Variants in UTRN observed in about 807,000 individuals in gnomAD.
UTRN encodes the protein utrophin, also known as dystrophin-related protein 1.
In UTRN, 283 loss-of-function variants were observed where a neutral mutation model predicts 463.9. That is an observed-to-expected ratio of 0.61 (90% CI 0.55 to 0.67). UTRN has a LOEUF of 0.67. UTRN is among the 30% of genes least tolerant of loss of function. UTRN has a pLI of 0.00. For synonymous variants in UTRN, 1,442 were observed against 1,431.5 expected, an observed-to-expected ratio of 1.01 and a Z score of -0.17; for missense variants, 3,922 against 4,084.3, an observed-to-expected ratio of 0.96 and a Z score of 1.08.
chr6:144,686,951 T>C (rs1336914176), intron 52 of UTRN, among the ~76,000 whole-genome samples: 7 of 152,146 alleles, frequency 4.6e-5, no homozygotes, highest in Non-Finnish European at 8.8e-5. Context: ...CTTTGTTTTC[T>C]TTATTGTGTT....
intron 2 of UTRN, among the ~76,000 whole-genome samples, chr6:144,365,692 T>C (rs568070171): frequency 4.6e-5 from 7 of 152,220 alleles, no homozygotes; most frequent in Non-Finnish European, 7.3e-5. Context: ...GGTATTTTTT[T>C]GGTGATCTGT....
chr6:144,398,419 C>T (rs540586939), intron 2 of UTRN: 12 of 380,102 alleles, frequency 3.2e-5, no homozygotes, highest in South Asian at 2.9e-4. Flanking sequence ...CATTAATGCA[C>T]ACTCAAGGGC....
At chr6:144,612,191 A>AC (rs1409206353) in intron 51 of UTRN, among the ~76,000 whole-genome samples, 1 of 152,104 alleles carries the variant, frequency 6.6e-6, no homozygotes, top group Non-Finnish European at 1.5e-5. Context: ...ATGAAAGTAG[A>AC]CCCCTATCTT....
chr6:144,386,753 T>C (rs1242182701), intron 2 of UTRN, among the ~76,000 whole-genome samples: 1 of 152,142 alleles, frequency 6.6e-6, no homozygotes, highest in Non-Finnish European at 1.5e-5. Context: ...AAGGATTGCA[T>C]TTTAGCGGAT....
chr6:144,752,852 C>T (rs915994517), intron 56 of UTRN, among the ~76,000 whole-genome samples: 3 of 151,898 alleles, frequency 2.0e-5, no homozygotes, highest in Admixed American at 6.6e-5. Context: ...GATTAGAAGT[C>T]GGGGAATATG....
At chr6:144,423,018 G>A (rs1784975249) in intron 4 of UTRN, among the ~76,000 whole-genome samples, 2 of 152,204 alleles carry the variant, frequency 1.3e-5, no homozygotes, top group South Asian at 2.1e-4. Flanking sequence ...TGCCTTCCGA[G>A]GGCTCTTGCA....
At chr6:144,392,898 CAA>C (rs780723656) in intron 2 of UTRN, among the ~76,000 whole-genome samples, 23 of 152,170 alleles carry the variant, frequency 1.5e-4, no homozygotes, top group Non-Finnish European at 3.1e-4. Flanking sequence ...AGGCATCAAA[CAA>C]GAGGACAATT....
At chr6:144,819,106 A>G (rs1356259469) in intron 65 of UTRN, among the ~76,000 whole-genome samples, 5 of 152,148 alleles carry the variant, frequency 3.3e-5, no homozygotes, top group Non-Finnish European at 5.9e-5. Flanking sequence ...TCAGGAAAAG[A>G]TGGGTCATTG....
intron 19 of UTRN, among the ~76,000 whole-genome samples, chr6:144,457,809 C>G (rs1789013741): frequency 6.6e-6 from 1 of 152,116 alleles, no homozygotes; most frequent in Non-Finnish European, 1.5e-5. Context: ...TTAGTTCAAG[C>G]TCTCATTATC....
At chr6:144,737,670 T>A (rs1789580855) in intron 54 of UTRN, among the ~76,000 whole-genome samples, 1 of 152,226 alleles carries the variant, frequency 6.6e-6, no homozygotes, top group Admixed American at 6.5e-5. Context: ...AATATGATTT[T>A]TAGCTGAACT....
chr6:144,499,853 C>T (rs1015699369), intron 34 of UTRN, among the ~76,000 whole-genome samples: 5 of 152,098 alleles, frequency 3.3e-5, no homozygotes, highest in Non-Finnish European at 7.4e-5. Flanking sequence ...CACTTGTAAG[C>T]GAGAACGTGG....
chr6:144,776,631 C>G (rs1775350158), intron 60 of UTRN, among the ~76,000 whole-genome samples: 1 of 152,132 alleles, frequency 6.6e-6, no homozygotes, highest in Admixed American at 6.5e-5. Context: ...CCTGGCTCAC[C>G]TCTCTGTCCA....
intron 69 of UTRN, among the ~76,000 whole-genome samples, chr6:144,830,915 T>G (rs1040575142): frequency 6.6e-6 from 1 of 152,166 alleles, no homozygotes; most frequent in Admixed American, 6.5e-5. Flanking sequence ...TTCAGTGAAG[T>G]CATGAACTTG....
At chr6:144,748,596 A>C in intron 55 of UTRN, 82 bp downstream of exon 55, 1 of 1,514,466 alleles carries the variant, frequency 6.6e-7, no homozygotes, top group African/African-American at 1.4e-5. Flanking sequence ...CACGTATATA[A>C]ATTGTTATAA....
At chr6:144,730,552 G>A in intron 54 of UTRN, 66 bp downstream of exon 54, 2 of 1,446,530 alleles carry the variant, frequency 1.4e-6, no homozygotes, top group Non-Finnish European at 1.8e-6. Flanking sequence ...CCAAAATCAA[G>A]TAGGAAATTT....
chr6:144,316,353 G>T (rs1351024253), intron 2 of UTRN, among the ~76,000 whole-genome samples: 3 of 152,216 alleles, frequency 2.0e-5, no homozygotes, highest in African/African-American at 7.2e-5. Flanking sequence ...TGAAAATGCT[G>T]TCATGTTGAA....
At chr6:144,451,872 T>C (rs1385705571) in intron 18 of UTRN, among the ~76,000 whole-genome samples, 2 of 152,178 alleles carry the variant, frequency 1.3e-5, no homozygotes, top group Non-Finnish European at 2.9e-5. Flanking sequence ...ACAAACTATT[T>C]TAAATCAAAA....
At chr6:144,359,538 G>A (rs1017779669) in intron 2 of UTRN, among the ~76,000 whole-genome samples, 4 of 152,254 alleles carry the variant, frequency 2.6e-5, no homozygotes, top group Non-Finnish European at 5.9e-5. Flanking sequence ...CACGTTTAAC[G>A]TCATCAGTTT....
intron 21 of UTRN, 32 bp from the exon 22 acceptor site, chr6:144,461,165 T>G: frequency 6.5e-7 from 1 of 1,534,536 alleles, no homozygotes; most frequent in Non-Finnish European, 8.8e-7. Flanking sequence ...CCTAATATGA[T>G]TTTTTCAAAC....
Sources: allele counts gnomAD v4.1 joint callset (sites outside exome capture counted in the v4.1 genomes callset), GRCh38; gene constraint gnomAD v4.1.1; transcripts MANE v1.5; gene names NCBI Gene and HGNC (gene_info 2026-07-23, HGNC 2026-07-21).